The following ADAM22 variants were observed in gnomAD, a reference collection of about 807,000 sequenced individuals.
ADAM22 encodes disintegrin and metalloproteinase domain-containing protein 22.
In ADAM22, 65 loss-of-function variants were observed where a neutral mutation model predicts 144.6. The observed-to-expected ratio is 0.45, with a 90% CI of 0.37 to 0.55. ADAM22 has a LOEUF of 0.55. ADAM22 is among the 20% of genes least tolerant of loss of function. The probability of loss-of-function intolerance (pLI) is 0.00; values close to 1 mark genes in which losing one functional copy is unlikely to be tolerated. For missense variants in ADAM22, 974 were observed against 1,184.9 expected, an observed-to-expected ratio of 0.82 and a Z score of 2.61; for synonymous variants, 391 against 412.6, an observed-to-expected ratio of 0.95 and a Z score of 0.63.
chr7:87,943,096 AT>A (rs1842790569), intron 2 of ADAM22, among the ~76,000 whole-genome samples: 1 of 150,170 alleles, frequency 6.7e-6, no homozygotes, highest in African/African-American at 2.4e-5. Context: ...AAAAATAAGG[AT>A]TAGTATTTAT....
chr7:88,178,313 C>T (rs1317022667), intron 26 of ADAM22, among the ~76,000 whole-genome samples: 1 of 152,070 alleles, frequency 6.6e-6, no homozygotes, highest in African/African-American at 2.4e-5. Flanking sequence ...TATCTTCCTT[C>T]ACATGTTCCA....
intron 1 of ADAM22, 162 bp from the exon 2 acceptor site, chr7:87,934,864 G>C (rs2279541): frequency 0.17 from 169,500 of 999,514 alleles, 16,273 homozygotes; most frequent in African/African-American, 0.36. Flanking sequence ...CAAGGCTCTC[G>C]GGCTGGTGTC....
intron 2 of ADAM22, among the ~76,000 whole-genome samples, chr7:87,956,470 A>G (rs185452565): frequency 2.6e-5 from 4 of 152,342 alleles, no homozygotes; most frequent in East Asian, 1.9e-4. Context: ...TTCACACAGT[A>G]TAGAATTAAC....
chr7:88,150,649 A>T (rs1444391602), intron 18 of ADAM22, among the ~76,000 whole-genome samples: 1 of 152,186 alleles, frequency 6.6e-6, no homozygotes, highest in Non-Finnish European at 1.5e-5. Flanking sequence ...TTTTAAATGT[A>T]TCATTAATTG....
intron 27 of ADAM22, among the ~76,000 whole-genome samples, chr7:88,180,946 C>T (rs186390147): frequency 1.3e-5 from 2 of 152,210 alleles, no homozygotes; most frequent in Admixed American, 1.3e-4. Flanking sequence ...AGTTAGCCAA[C>T]ATGTACTACA....
chr7:87,978,183 TG>T (rs1852366103), intron 2 of ADAM22, among the ~76,000 whole-genome samples, 152 bp from the exon 3 acceptor site: 1 of 152,250 alleles, frequency 6.6e-6, no homozygotes, highest in Non-Finnish European at 1.5e-5. Flanking sequence ...TCTAAGAAGG[TG>T]TAAATTTTAC....
At chr7:87,991,609 A>C (rs923016129) in intron 3 of ADAM22, among the ~76,000 whole-genome samples, 3 of 146,992 alleles carry the variant, frequency 2.0e-5, no homozygotes, top group Non-Finnish European at 4.5e-5. Flanking sequence ...CTCATGATCC[A>C]CCCGCCTCGG....
chr7:87,994,422 A>G (rs1332976817), intron 3 of ADAM22, among the ~76,000 whole-genome samples: 2 of 152,040 alleles, frequency 1.3e-5, no homozygotes, highest in Non-Finnish European at 2.9e-5. Flanking sequence ...CGGCCTCCCA[A>G]AGTGCTGGGA....
chr7:88,146,889 G>T (rs1247193057), intron 17 of ADAM22, among the ~76,000 whole-genome samples: 4 of 152,168 alleles, frequency 2.6e-5, no homozygotes, highest in Non-Finnish European at 5.9e-5. Context: ...AAAGCACTCT[G>T]TTAAAAAGAA....
At chr7:88,161,477 TTAAAC>T (rs1305604485) in intron 22 of ADAM22, among the ~76,000 whole-genome samples, 1 of 152,122 alleles carries the variant, frequency 6.6e-6, no homozygotes, top group African/African-American at 2.4e-5. Flanking sequence ...TGGAATCTAA[TTAAAC>T]TAAAGTGCTT....
intron 3 of ADAM22, among the ~76,000 whole-genome samples, chr7:87,999,611 A>G (rs1238327057): frequency 6.6e-6 from 1 of 152,220 alleles, no homozygotes; most frequent in Non-Finnish European, 1.5e-5. Context: ...CAGATTTACA[A>G]GTACCTTTTG....
At chr7:88,178,874 A>T (rs1425491360) in intron 26 of ADAM22, 61 bp from the exon 27 acceptor site, 1 of 1,020,282 alleles carries the variant, frequency 9.8e-7, no homozygotes, top group African/African-American at 1.6e-5. Flanking sequence ...TAATATTTGT[A>T]TATGTCTGTG....
chr7:88,018,380 A>G (rs867211128), intron 3 of ADAM22, among the ~76,000 whole-genome samples: 2 of 152,054 alleles, frequency 1.3e-5, no homozygotes, highest in Middle Eastern at 3.4e-3. Flanking sequence ...TCATTATTGG[A>G]CTCCTCTGTG....
intron 14 of ADAM22, among the ~76,000 whole-genome samples, chr7:88,140,912 A>G (rs1834428879): frequency 6.6e-6 from 1 of 152,184 alleles, no homozygotes; most frequent in Non-Finnish European, 1.5e-5. Context: ...GAGAGTATTC[A>G]CTAGACGAGT....
chr7:88,131,154 T>C, intron 10 of ADAM22, 115 bp from the exon 11 acceptor site: 1 of 798,640 alleles, frequency 1.3e-6, no homozygotes, highest in Non-Finnish European at 1.9e-6. Context: ...GAAAGTTATC[T>C]CCCTTTAACT....
At chr7:88,153,195 T>C in intron 20 of ADAM22, 26 bp from the exon 21 acceptor site, 1 of 1,573,782 alleles carries the variant, frequency 6.4e-7, no homozygotes, top group Non-Finnish European at 8.7e-7. Context: ...CTTCCCTCAC[T>C]GATAGAAAAT....
rs1849964801 is a variant in ADAM22, at chr7:88,193,106, A to G, written c.2751-10A>G. 1.2e-6 allele frequency: 2 copies of G among 1,613,728 alleles called. No homozygotes were observed. The highest frequency in any genetic ancestry group is 1.7e-6 in the Non-Finnish European group (2 of 1,179,836). Reference sequence around the variant, plus strand: ...CACATGATACTTAATTCATGTTCTCAACATCTCAGGACTTTATCTCCTGCC... The same window carrying G: ...CACATGATACTTAATTCATGTTCTCGACATCTCAGGACTTTATCTCCTGCC... On this transcript the variant is annotated splice_polypyrimidine_tract_variant and intron_variant, in intron 30 of 31. Coordinates refer to ENST00000413139, the MANE Select transcript of ADAM22 (RefSeq NM_001324418.2).
intron 3 of ADAM22, among the ~76,000 whole-genome samples, chr7:88,033,815 G>T (rs1439137965): frequency 1.3e-5 from 2 of 152,070 alleles, no homozygotes; most frequent in African/African-American, 4.8e-5. Context: ...TTCTCTCCCT[G>T]TGTCCACCAC....
chr7:87,996,185 A>G (rs1220345067), intron 3 of ADAM22, among the ~76,000 whole-genome samples: 4 of 152,222 alleles, frequency 2.6e-5, no homozygotes, highest in African/African-American at 9.6e-5. Flanking sequence ...ACAGCTCAAC[A>G]GGAAACCTCC....
Sources: gnomAD v4.1 joint callset for allele counts (sites outside exome capture counted in the v4.1 genomes callset) on GRCh38, gnomAD v4.1.1 for gene constraint, MANE v1.5 for transcripts, NCBI Gene and HGNC (gene_info 2026-07-23, HGNC 2026-07-21) for gene names.